Variants in PRKCD observed in about 807,000 individuals in gnomAD.
PRKCD encodes protein kinase C delta type.
Under a neutral mutation model 82.2 loss-of-function variants are expected in PRKCD, and 20 were observed. That is an observed-to-expected ratio of 0.24 (90% CI 0.17 to 0.35). PRKCD has a LOEUF of 0.35. Among genes scored for constraint, PRKCD ranks in the 10% least tolerant of loss-of-function variants. The pLI, the probability that PRKCD is intolerant of heterozygous loss-of-function variation, is 1.00. For missense variants in PRKCD, 607 were observed against 899.0 expected, an observed-to-expected ratio of 0.68 and a Z score of 4.15; for synonymous variants, 317 against 337.0, an observed-to-expected ratio of 0.94 and a Z score of 0.65.
At position 53,189,072 on chromosome 3, in the gene PRKCD, G is replaced by A. The variant is rs1703822778; in HGVS notation, c.1569G>A (p.Leu523=). 1 of 1,613,426 alleles carries A rather than the reference G, an allele frequency of 6.2e-7. No individual in the cohort carries two copies. Among genetic ancestry groups the A allele is most frequent in the African/African-American group, 1.3e-5 (1 of 75,070 alleles). ...CCCACCGCCAGATCCTACAGGGCCT[G>A]AAGTACACATTCTCTGTGGACTGGT... is the stretch of plus-strand genomic sequence containing the variant. ...DYIAPEILQG[L]KYTFSVDWWS... Residue 523 remains leucine (L), a synonymous_variant, in exon 17 of 19, where the codon CTG becomes CTA. Coordinates refer to ENST00000330452, the MANE Select transcript of PRKCD (RefSeq NM_006254.4).
At chr3:53,178,650 C>CA in intron 3 of PRKCD, 113 bp downstream of exon 3, 2 of 854,666 alleles carry the variant, frequency 2.3e-6, no homozygotes, top group Admixed American at 5.5e-5. Context: ...TGCTCTTCCT[C>CA]ATCCTTGACT....
At chr3:53,165,268 C>T (rs1384359668) in intron 2 of PRKCD, 53 bp downstream of exon 2, 7 of 152,560 alleles carry the variant, frequency 4.6e-5, no homozygotes, top group African/African-American at 1.4e-4. Flanking sequence ...TAGCCTTCCT[C>T]TCTGGCCTCT....
rs782728069 is a variant in PRKCD, at chr3:53,183,215, G to C, written c.657+9G>C. On this transcript the variant is annotated intron_variant, in intron 8 of 18. Transcript: ENST00000330452. ...ACAGCCGGGACACTATAGTGAGCCT[G>C]GGTCCGGGGCAGGGCTGGGGATCTG... 3 of 1,613,750 alleles carry C rather than the reference G, an allele frequency of 1.9e-6. No homozygotes were observed. In the South Asian group the frequency reaches 3.3e-5, roughly 18 times the overall value.
intron 15 of PRKCD, among the ~76,000 whole-genome samples, chr3:53,187,662 G>T (rs112969051): frequency 6.6e-6 from 1 of 152,200 alleles, no homozygotes; most frequent in Non-Finnish European, 1.5e-5. Flanking sequence ...GGAGCCGTCA[G>T]TCTCGCTCTG....
intron 2 of PRKCD, among the ~76,000 whole-genome samples, chr3:53,165,718 C>G (rs2107219218): frequency 6.6e-6 from 1 of 152,312 alleles, no homozygotes; most frequent in South Asian, 2.1e-4. Flanking sequence ...CACCCCAGGC[C>G]CCTCCATTTT....
intron 2 of PRKCD, among the ~76,000 whole-genome samples, chr3:53,166,889 A>G (rs1300976594): frequency 6.6e-6 from 1 of 152,240 alleles, no homozygotes; most frequent in Non-Finnish European, 1.5e-5. Context: ...AATGCGGGGG[A>G]GAGGCTGTGT....
intron 5 of PRKCD, 88 bp downstream of exon 5, chr3:53,181,355 AG>A: frequency 2.5e-6 from 4 of 1,608,250 alleles, no homozygotes; most frequent in Non-Finnish European, 3.4e-6. Flanking sequence ...TCCCTTCGGC[AG>A]AGCTGTCCAG....
intron 11 of PRKCD, 66 bp downstream of exon 11, chr3:53,185,766 C>A: frequency 6.4e-7 from 1 of 1,556,348 alleles, no homozygotes; most frequent in South Asian, 1.1e-5. Flanking sequence ...AGGGGACTGT[C>A]CTCCCTTCCA....
chr3:53,168,111 G>C (rs1553664201), intron 2 of PRKCD, among the ~76,000 whole-genome samples: 1 of 152,262 alleles, frequency 6.6e-6, no homozygotes, highest in African/African-American at 2.4e-5. Context: ...ATTAGGCTGG[G>C]AGAATTGGCT....
chr3:53,169,634 C>T lies in PRKCD; in HGVS notation c.-20+4419C>T, dbSNP rs186968148. On this transcript the variant is annotated intron_variant, in intron 2 of 18. Coordinates refer to ENST00000330452, the MANE Select transcript of PRKCD (RefSeq NM_006254.4). The surrounding 1 kb of genome is among the most constrained non-coding windows in gnomAD (Gnocchi z 4.7). ...GGGGTGGGAGGAGGATCCCAGGGTC[C>T]TCCAGTGTCAGGGCTGGAGAAAGCT... Among the ~76,000 whole-genome samples the T allele has an allele frequency of 2.8e-3, 426 of 152,250 alleles. 2 individuals are homozygous for T. The highest frequency in any genetic ancestry group is 3.7e-3 in the Non-Finnish European group (250 of 67,998).
chr3:53,164,403 T>G (rs1433619232), intron 1 of PRKCD, among the ~76,000 whole-genome samples: 2 of 152,034 alleles, frequency 1.3e-5, no homozygotes, highest in African/African-American at 4.8e-5. Flanking sequence ...GCCAACATGG[T>G]GAAACCCTGT....
In PRKCD at chr3:53,183,580, A is replaced by G; in HGVS notation, c.786A>G (p.Glu262=). ...WGLVKQGLKC[E]DCGMNVHHKC... is the part of the protein sequence containing the mutation. ...TGGTGAAGCAGGGATTAAAGTGTGA[A>G]GGTGCGTGCCACCCCGCCCCTGGGC... Residue 262 remains glutamate (E), a splice_region_variant and synonymous_variant, in exon 9 of 19, where the codon GAA becomes GAG. Transcript: ENST00000330452. The G allele has an allele frequency of 1.2e-6, 2 of 1,614,010 alleles. No homozygotes were observed. Among genetic ancestry groups the G allele is most frequent in the South Asian group, 2.2e-5 (2 of 91,070 alleles).
chr3:53,183,535 C>T lies in PRKCD; in HGVS notation c.741C>T (p.Cys247=), dbSNP rs55709737. 1.2e-3 allele frequency: 1,939 copies of T among 1,614,216 alleles called. 24 individuals are homozygous for T. The African/African-American group carries it at 0.023, about 19-fold the overall frequency. Residue 247 remains cysteine (C), a synonymous_variant, in exon 9 of 19, where the codon TGC becomes TGT. Transcript: ENST00000330452. ...NYMSPTFCDH[C]GSLLWGLVKQ... ...TGAGCCCCACCTTCTGTGACCACTG[C>T]GGCAGCCTGCTCTGGGGACTGGTGA...
chr3:53,189,196 C>G lies in PRKCD; in HGVS notation c.1693C>G (p.Pro565Ala). The change falls in exon 17 of 19, where the codon CCA becomes GCA. Residue 565 changes from proline (P) to alanine (A), a missense_variant. Around this residue, in one of 5 missense-constraint regions of PRKCD, gnomAD observed 251 missense variants for 423.9 expected, o/e 0.59. Transcript: ENST00000330452. ...CTTCGAGTCCATCCGTGTGGACACG[C>G]CACATTATCCCCGCTGGATCACCAA... ...ELFESIRVDT[P>A]HYPRWITKES... 1 of 1,613,994 alleles carries G rather than the reference C, an allele frequency of 6.2e-7. No homozygotes were observed. Among genetic ancestry groups the G allele is most frequent in the Non-Finnish European group, 8.5e-7 (1 of 1,179,920 alleles).
chr3:53,173,281 A>G (rs1703100997), intron 2 of PRKCD, among the ~76,000 whole-genome samples: 1 of 152,082 alleles, frequency 6.6e-6, no homozygotes, highest in South Asian at 2.1e-4. Flanking sequence ...GGTCGCTCTG[A>G]TCACCTTGAG....
At chr3:53,182,698 CATT>C (rs750581090) in intron 7 of PRKCD, among the ~76,000 whole-genome samples, 1 of 152,056 alleles carries the variant, frequency 6.6e-6, no homozygotes, top group Non-Finnish European at 1.5e-5. Context: ...AGTCTGTTAT[CATT>C]ATTACACATG....
rs374381731 is a variant in PRKCD, at chr3:53,183,104, G to A, written c.572-17G>A. The A allele has an allele frequency of 4.3e-6, 7 of 1,613,660 alleles. No individual in the cohort carries two copies. The highest frequency in any genetic ancestry group is 1.3e-5 in the African/African-American group (1 of 74,922). On this transcript the variant is annotated splice_polypyrimidine_tract_variant and intron_variant, in intron 7 of 18. Transcript: ENST00000330452. Reference sequence around the variant, plus strand: ...CGGTGCTTTCCCTTCCCCCTCCTGGGCCTGTGCCTCTTCAAGAATGTAACG... The same window carrying A: ...CGGTGCTTTCCCTTCCCCCTCCTGGACCTGTGCCTCTTCAAGAATGTAACG...
At chr3:53,164,129 A>G (rs1702759064) in intron 1 of PRKCD, among the ~76,000 whole-genome samples, 2 of 152,186 alleles carry the variant, frequency 1.3e-5, no homozygotes, top group Non-Finnish European at 2.9e-5. Context: ...TGGCCTTCAG[A>G]GAAAATGCTT....
chr3:53,179,880 C>T (rs1036461288), intron 4 of PRKCD, 104 bp downstream of exon 4: 10 of 1,417,604 alleles, frequency 7.1e-6, no homozygotes, highest in Non-Finnish European at 9.6e-6. Flanking sequence ...GGTCAGTGAG[C>T]ACAGCTGAAG....
Sources: allele counts gnomAD v4.1 joint callset (sites outside exome capture counted in the v4.1 genomes callset), GRCh38; gene constraint gnomAD v4.1.1; regional missense constraint gnomAD v4.1.1; non-coding constraint Gnocchi (gnomAD v3.1); transcripts MANE v1.5; gene names NCBI Gene and HGNC (gene_info 2026-07-23, HGNC 2026-07-21).